The following CDK13 variants were observed in gnomAD, a reference collection of about 807,000 sequenced individuals.
CDK13 encodes the protein cyclin dependent kinase 13, also known as cyclin-dependent kinase 13.
CDK13 carries 40 observed loss-of-function variants against 137.6 expected under a neutral mutation model. The observed-to-expected ratio is 0.29, with a 90% confidence interval of 0.23 to 0.38. The LOEUF is 0.38. CDK13 is among the 10% of genes least tolerant of loss of function. The probability of loss-of-function intolerance (pLI) is 1.00; values close to 1 mark genes in which losing one functional copy is unlikely to be tolerated. For synonymous variants in CDK13, 869 were observed against 760.1 expected, an observed-to-expected ratio of 1.14 and a Z score of -2.36; for missense variants, 1,704 against 1,951.8, an observed-to-expected ratio of 0.87 and a Z score of 2.39.
At chr7:39,976,074 G>A (rs1374780677) in intron 1 of CDK13, among the ~76,000 whole-genome samples, 2 of 152,028 alleles carry the variant, frequency 1.3e-5, no homozygotes, top group Non-Finnish European at 2.9e-5. Flanking sequence ...GAGATGGGCG[G>A]ATCACCTGAG....
intron 5 of CDK13, among the ~76,000 whole-genome samples, chr7:40,009,542 A>G (rs2116358224): frequency 6.6e-6 from 1 of 152,352 alleles, no homozygotes; most frequent in South Asian, 2.1e-4. Flanking sequence ...AGTGGGTCAT[A>G]GATACTAGAA....
chr7:40,089,793 ACTT>A lies in CDK13; in HGVS notation c.3235+1466_3235+1468del, dbSNP rs143223749. ...ATTAAACATGAAAAAATAGACTAGC[ACTT>A]CTTAAGAGATGAGTATATGTTGATT... On this transcript the variant is annotated intron_variant, in intron 12 of 13. Transcript: ENST00000181839. 1.9e-3 allele frequency among the ~76,000 whole-genome samples: 282 copies of A among 151,792 alleles called. 2 individuals carry two copies. In the East Asian group the frequency reaches 0.047, roughly 25 times the overall value.
At chr7:39,967,182 CT>C (rs17496178) in intron 1 of CDK13, among the ~76,000 whole-genome samples, 68,249 of 151,876 alleles carry the variant, frequency 0.45, 17,477 homozygotes, top group East Asian at 0.63. Context: ...AATCCCAGTA[CT>C]TTGGGAGCCT....
chr7:40,092,616 T>A, intron 12 of CDK13, 169 bp from the exon 13 acceptor site: 1 of 587,132 alleles, frequency 1.7e-6, no homozygotes, highest in Non-Finnish European at 3.0e-6. Context: ...ACAGGTACAT[T>A]TTAAATGTAC....
intron 5 of CDK13, among the ~76,000 whole-genome samples, chr7:40,017,887 T>A (rs1304835054): frequency 2.6e-5 from 4 of 151,916 alleles, no homozygotes; most frequent in Non-Finnish European, 5.9e-5. Flanking sequence ...TATCTTACAG[T>A]GTTCTGCCAT....
intron 7 of CDK13, chr7:40,062,173 C>T (rs1329355538): frequency 2.0e-5 from 3 of 152,194 alleles, no homozygotes; most frequent in Non-Finnish European, 4.4e-5. Flanking sequence ...AACCAGTCAA[C>T]GCTCTTTAAA....
At chr7:40,030,791 C>T (rs924883782) in intron 5 of CDK13, among the ~76,000 whole-genome samples, 2 of 151,992 alleles carry the variant, frequency 1.3e-5, no homozygotes, top group Admixed American at 1.3e-4. Flanking sequence ...TTCAGATTGG[C>T]TTCTTTTACT....
Position 40,089,723 on chromosome 7 carries a change from A to AGAGAGAGT in CDK13, c.3235+1393_3235+1394insAGAGAGTG, listed in dbSNP as rs1491307176. 5.6e-4 allele frequency among the ~76,000 whole-genome samples: 70 copies of AGAGAGAGT among 125,220 alleles called. 1 individual carries two copies. The highest frequency in any genetic ancestry group is 3.6e-3 in the South Asian group (16 of 4,400). The allele number at this position is 125,220 out of a possible 152,430, so 82.1% of individuals were successfully genotyped here. On this transcript the variant is annotated intron_variant, in intron 12 of 13. Coordinates refer to ENST00000181839, the MANE Select transcript of CDK13 (RefSeq NM_003718.5). The stretch of plus-strand genomic sequence containing the variant: ...TAGAGAGAGAGAGAGAGAGAGAGAG[A>AGAGAGAGT]GTGTGTGTGTGTGTGTGTGTGTGTG...
intron 9 of CDK13, among the ~76,000 whole-genome samples, chr7:40,075,056 A>G (rs1340200909): frequency 1.3e-5 from 2 of 152,112 alleles, no homozygotes; most frequent in Non-Finnish European, 2.9e-5. Flanking sequence ...ATTATAATTC[A>G]TGTGTAATAA....
intron 1 of CDK13, among the ~76,000 whole-genome samples, chr7:39,960,754 T>C (rs746275637): frequency 2.6e-5 from 4 of 151,452 alleles, no homozygotes; most frequent in Admixed American, 1.3e-4. Context: ...TTTGTACTTT[T>C]AGTAGAGATG....
chr7:39,989,875 T>C (rs1257700), intron 2 of CDK13, among the ~76,000 whole-genome samples: 149,858 of 151,528 alleles, frequency 0.99, 74,133 homozygotes, highest in South Asian at 1. Flanking sequence ...CTCTGCCTCC[T>C]GGGTTCATGC....
chr7:40,011,150 A>G (rs1052890095), intron 5 of CDK13, among the ~76,000 whole-genome samples: 4 of 152,224 alleles, frequency 2.6e-5, no homozygotes, highest in Non-Finnish European at 5.9e-5. Context: ...TCTGAGATTC[A>G]TATGCAAATT....
intron 1 of CDK13, among the ~76,000 whole-genome samples, chr7:39,966,901 T>A (rs1783884524): frequency 6.6e-6 from 1 of 152,160 alleles, no homozygotes; most frequent in Non-Finnish European, 1.5e-5. Context: ...TGCCTGGGTA[T>A]CAGCAGCGGA....
At chr7:39,971,550 T>C (rs575948320) in intron 1 of CDK13, among the ~76,000 whole-genome samples, 3 of 151,150 alleles carry the variant, frequency 2.0e-5, no homozygotes, top group African/African-American at 7.3e-5. Flanking sequence ...AAAAACACTT[T>C]GTATTTTCTA....
intron 5 of CDK13, among the ~76,000 whole-genome samples, chr7:40,018,578 T>C (rs573163040): frequency 1.3e-5 from 2 of 152,188 alleles, no homozygotes; most frequent in South Asian, 4.1e-4. Context: ...TACTCAGCCA[T>C]AAAAAAGAAT....
chr7:40,001,463 C>T (rs777446956), intron 4 of CDK13, among the ~76,000 whole-genome samples: 1 of 152,144 alleles, frequency 6.6e-6, no homozygotes, highest in Non-Finnish European at 1.5e-5. Flanking sequence ...GATCTGCCCT[C>T]CTCAGCCTCC....
rs764395925 is a variant in CDK13 at position 39,976,323 on chromosome 7, T to TCACACACA, written c.1212-11247_1212-11240dup. Among the ~76,000 whole-genome samples, 160 of 39,572 alleles carry TCACACACA rather than the reference T, an allele frequency of 4.0e-3. 2 individuals are homozygous for TCACACACA. Among genetic ancestry groups the TCACACACA allele is most frequent in the African/African-American group, 6.2e-3 (90 of 14,614 alleles). 26.0% of individuals were successfully genotyped at this position (39,572 alleles called of 152,430 possible). A position where few individuals can be genotyped will look rare whatever the true frequency, so the allele number is the denominator to read the frequency against. On this transcript the variant is annotated intron_variant, in intron 1 of 13. Coordinates refer to ENST00000181839, the MANE Select transcript of CDK13 (RefSeq NM_003718.5). ...CTCTCTCTCTCTCTCTCTCTCTCTC[T>TCACACACA]CACACACACACACACACACACACAC...
At position 39,950,417 on chromosome 7, in the gene CDK13, G is replaced by T. The variant is rs1423264814; in HGVS notation, c.-225G>T. The T allele has an allele frequency of 3.2e-5, 39 of 1,232,054 alleles. 1 individual carries two copies. The East Asian group carries it at 1.2e-3, about 37-fold the overall frequency. The allele number at this position is 1,232,054 out of a possible 1,614,324, so 76.3% of individuals were successfully genotyped here. On this transcript the variant is annotated 5_prime_UTR_variant, in exon 1 of 14. Transcript: ENST00000181839. ...GACGAGCGCAATCGGGAGCTCCGCC[G>T]CCCGGATTCCTGCTTCCCTGGGGCC...
chr7:40,057,976 A>G (rs1786057734), intron 7 of CDK13, among the ~76,000 whole-genome samples: 2 of 152,232 alleles, frequency 1.3e-5, no homozygotes, highest in Non-Finnish European at 2.9e-5. Flanking sequence ...AGGGTGAGGA[A>G]TTTAAAATAG....
Sources: gnomAD v4.1 joint callset for allele counts (sites outside exome capture counted in the v4.1 genomes callset) on GRCh38, gnomAD v4.1.1 for gene constraint, MANE v1.5 for transcripts, NCBI Gene and HGNC (gene_info 2026-07-23, HGNC 2026-07-21) for gene names.